Variants in ULK4 observed in about 807,000 individuals in gnomAD.
ULK4 encodes inactive serine/threonine-protein kinase ULK4.
Under a neutral mutation model 160.6 loss-of-function variants are expected in ULK4, and 133 were observed. The ratio of observed to expected loss-of-function variants is 0.83; its 90% CI spans 0.72 to 0.96. The LOEUF is 0.96. Ranked by LOEUF, ULK4 falls within the 40% of genes least tolerant of loss-of-function variation. The probability of loss-of-function intolerance (pLI) is 0.00; values close to 1 mark genes in which losing one functional copy is unlikely to be tolerated. For missense variants in ULK4, 1,580 were observed against 1,499.5 expected, an observed-to-expected ratio of 1.05 and a Z score of -0.89; for synonymous variants, 534 against 539.8, an observed-to-expected ratio of 0.99 and a Z score of 0.15.
At chr3:41,663,492 T>A in intron 30 of ULK4, 115 bp downstream of exon 30, 2 of 969,484 alleles carry the variant, frequency 2.1e-6, no homozygotes, top group South Asian at 3.1e-5. Flanking sequence ...AAAATGACGA[T>A]TTTGACAACT....
At chr3:41,784,838 A>G (rs2039955449) in intron 21 of ULK4, among the ~76,000 whole-genome samples, 1 of 152,258 alleles carries the variant, frequency 6.6e-6, no homozygotes, top group Non-Finnish European at 1.5e-5. Context: ...CCACCTTGTT[A>G]GTTTAAGATG....
intron 21 of ULK4, among the ~76,000 whole-genome samples, chr3:41,769,124 G>C (rs2039266701): frequency 6.6e-6 from 1 of 152,192 alleles, no homozygotes; most frequent in Non-Finnish European, 1.5e-5. Context: ...AGCTTTATTT[G>C]TAACACAATA....
At chr3:41,287,164 A>G (rs950078742) in intron 35 of ULK4, among the ~76,000 whole-genome samples, 2 of 152,230 alleles carry the variant, frequency 1.3e-5, no homozygotes, top group Non-Finnish European at 2.9e-5. Flanking sequence ...TGGCAAGATC[A>G]GGGTAGGAAC....
chr3:41,718,982 T>G (rs1489157143), intron 22 of ULK4, among the ~76,000 whole-genome samples: 2 of 152,210 alleles, frequency 1.3e-5, no homozygotes, highest in Admixed American at 1.3e-4. Context: ...AGAGCCATAA[T>G]CACTGTTCAA....
intron 16 of ULK4, 150 bp from the exon 17 acceptor site, chr3:41,884,102 G>C: frequency 4.6e-6 from 3 of 650,426 alleles, no homozygotes; most frequent in Non-Finnish European, 8.3e-6. Context: ...ACTCCCACAT[G>C]TACACAGCCC....
chr3:41,818,226 A>C (rs2041031560), intron 19 of ULK4, among the ~76,000 whole-genome samples: 1 of 152,080 alleles, frequency 6.6e-6, no homozygotes, highest in African/African-American at 2.4e-5. Flanking sequence ...AGACAACTGC[A>C]CTCCTGTATT....
rs55647333 is a variant in ULK4 at position 41,351,254 on chromosome 3, C to G, written c.3678+46825G>C. Among the ~76,000 whole-genome samples, 368 of 152,172 alleles carry G rather than the reference C, an allele frequency of 2.4e-3. 2 individuals are homozygous for G. The highest frequency in any genetic ancestry group is 8.6e-3 in the African/African-American group (356 of 41,550). On this transcript the variant is annotated intron_variant, in intron 35 of 36. Coordinates refer to ENST00000301831, the MANE Select transcript of ULK4 (RefSeq NM_017886.4). ...TTGGTTCTCCTCAAAGGTAACTCAC[C>G]ACAGAGGGAAATATGACTTCTGTGG... is the stretch of plus-strand genomic sequence containing the variant.
intron 32 of ULK4, among the ~76,000 whole-genome samples, chr3:41,464,393 C>T (rs867711296): frequency 1.3e-5 from 2 of 152,140 alleles, no homozygotes; most frequent in Non-Finnish European, 1.5e-5. Context: ...TGCTAAGATG[C>T]TTATAAAAAC....
At chr3:41,329,477 G>C (rs904058236) in intron 35 of ULK4, among the ~76,000 whole-genome samples, 1 of 152,144 alleles carries the variant, frequency 6.6e-6, no homozygotes, top group Non-Finnish European at 1.5e-5. Flanking sequence ...ATGGATAAGA[G>C]AATAAAAATT....
intron 32 of ULK4, among the ~76,000 whole-genome samples, chr3:41,470,274 G>A (rs1575268105): frequency 6.6e-6 from 1 of 152,250 alleles, no homozygotes; most frequent in Middle Eastern, 3.4e-3. Flanking sequence ...TACAATGTCA[G>A]TAGATTTCTT....
At chr3:41,402,466 C>A (rs1483918866) in intron 34 of ULK4, among the ~76,000 whole-genome samples, 3 of 152,210 alleles carry the variant, frequency 2.0e-5, no homozygotes, top group South Asian at 2.1e-4. Flanking sequence ...TAGTAATTCA[C>A]TATTAAGTAT....
chr3:41,480,610 T>C (rs960938238), intron 32 of ULK4, among the ~76,000 whole-genome samples: 3 of 152,242 alleles, frequency 2.0e-5, no homozygotes, highest in African/African-American at 7.2e-5. Context: ...AACATTTTTT[T>C]CTCTAGTTTT....
chr3:41,522,700 A>C (rs1409603819), intron 32 of ULK4, among the ~76,000 whole-genome samples: 1 of 152,174 alleles, frequency 6.6e-6, no homozygotes, highest in African/African-American at 2.4e-5. Flanking sequence ...ACTGAAAATG[A>C]AACAACTGCT....
chr3:41,460,272 T>G (rs1194083663), intron 33 of ULK4, among the ~76,000 whole-genome samples: 1 of 152,102 alleles, frequency 6.6e-6, no homozygotes, highest in African/African-American at 2.4e-5. Context: ...TCAGAAAGGA[T>G]AAACAAGGCC....
chr3:41,641,853 A>T (rs2034213115), intron 30 of ULK4, among the ~76,000 whole-genome samples: 1 of 151,520 alleles, frequency 6.6e-6, no homozygotes, highest in Non-Finnish European at 1.5e-5. Context: ...AGGAGCTCAT[A>T]AAAATGACAA....
intron 19 of ULK4, among the ~76,000 whole-genome samples, chr3:41,802,579 A>T (rs1005431747): frequency 2.6e-5 from 4 of 152,154 alleles, no homozygotes; most frequent in African/African-American, 9.7e-5. Flanking sequence ...GATTACAAGC[A>T]TGAGCTACTA....
intron 19 of ULK4, among the ~76,000 whole-genome samples, chr3:41,807,120 C>A (rs1431869932): frequency 6.6e-6 from 1 of 150,946 alleles, no homozygotes; most frequent in Non-Finnish European, 1.5e-5. Flanking sequence ...ACAGCCAGAT[C>A]TTGTCTCAAA....
chr3:41,888,938 A>G (rs1697822028), intron 16 of ULK4, among the ~76,000 whole-genome samples: 1 of 152,118 alleles, frequency 6.6e-6, no homozygotes, highest in East Asian at 1.9e-4. Flanking sequence ...TTTAAAGGAG[A>G]GGCTATTGGA....
At chr3:41,849,606 T>G (rs9850310) in intron 17 of ULK4, among the ~76,000 whole-genome samples, 1 of 152,002 alleles carries the variant, frequency 6.6e-6, no homozygotes. Flanking sequence ...CCAAAGAAAT[T>G]TATAACACCA....
Sources: gnomAD v4.1 joint callset for allele counts (sites outside exome capture counted in the v4.1 genomes callset) on GRCh38, gnomAD v4.1.1 for gene constraint, MANE v1.5 for transcripts, NCBI Gene and HGNC (gene_info 2026-07-23, HGNC 2026-07-21) for gene names.